The following MDGA2 variants were observed in gnomAD, a reference collection of about 807,000 sequenced individuals.
The protein encoded by MDGA2 is MAM domain-containing glycosylphosphatidylinositol anchor protein 2.
A neutral mutation model predicts 117.8 loss-of-function variants in MDGA2; 40 were observed. The observed-to-expected ratio is 0.34, with a 90% confidence interval of 0.26 to 0.44. The LOEUF (loss-of-function observed/expected upper bound fraction) is 0.44, where lower values mean the gene tolerates loss of function less well. MDGA2 is among the 20% of genes least tolerant of loss of function. MDGA2 has a pLI of 1.00. For missense variants in MDGA2, 1,123 were observed against 1,250.6 expected (o/e 0.90, Z 1.54); for synonymous variants, 452 against 439.0 (o/e 1.03, Z -0.37).
rs1885467086 is a variant in MDGA2 at position 47,200,626 on chromosome 14, C to T, written c.595+17395G>A. The T allele has an allele frequency of 1.4e-5, 17 of 1,223,804 alleles. No homozygotes were observed. In the South Asian group the frequency reaches 2.0e-4, roughly 14 times the overall value. The allele number at this position is 1,223,804 out of a possible 1,614,324, so 75.8% of individuals were successfully genotyped here. A position where few individuals can be genotyped will look rare whatever the true frequency, so the allele number is the denominator to read the frequency against. ...AGACCTCTGTATATTTGTCAATTTT[C>T]TTCTCCACGTTCTTCTCGGCCTGTT... On this transcript the variant is annotated intron_variant, in intron 3 of 16. Transcript: ENST00000399232.
At chr14:47,182,337 C>G (rs914758434) in intron 3 of MDGA2, among the ~76,000 whole-genome samples, 1 of 151,950 alleles carries the variant, frequency 6.6e-6, no homozygotes, top group African/African-American at 2.4e-5. Flanking sequence ...GAAGCCCTAA[C>G]CCCCAATGTG....
At chr14:47,072,623 G>A (rs925156222) in intron 6 of MDGA2, among the ~76,000 whole-genome samples, 1 of 152,178 alleles carries the variant, frequency 6.6e-6, no homozygotes, top group Non-Finnish European at 1.5e-5. Context: ...GAATTTGTTA[G>A]AAAGGCAAGT....
At chr14:47,261,294 A>G (rs1887787857) in intron 2 of MDGA2, among the ~76,000 whole-genome samples, 1 of 152,164 alleles carries the variant, frequency 6.6e-6, no homozygotes, top group Non-Finnish European at 1.5e-5. Flanking sequence ...GCATTTAGCT[A>G]GAATCTTTTA....
At chr14:47,092,094 C>G (rs975416640) in intron 6 of MDGA2, among the ~76,000 whole-genome samples, 2 of 152,088 alleles carry the variant, frequency 1.3e-5, no homozygotes, top group African/African-American at 4.8e-5. Context: ...AAAAGAGGGG[C>G]TACAGTGGAA....
intron 1 of MDGA2, among the ~76,000 whole-genome samples, chr14:47,484,951 G>A (rs759547454): frequency 2.0e-5 from 3 of 151,954 alleles, no homozygotes; most frequent in African/African-American, 7.2e-5. Context: ...CAAATTGCTC[G>A]GCCTCAGGTA....
At chr14:47,156,403 A>C (rs1453470050) in intron 3 of MDGA2, among the ~76,000 whole-genome samples, 3 of 152,170 alleles carry the variant, frequency 2.0e-5, no homozygotes, top group Admixed American at 2.0e-4. Context: ...TCAGTTCACT[A>C]AATTATGGAA....
chr14:47,503,443 G>A (rs1341728891), intron 1 of MDGA2, among the ~76,000 whole-genome samples: 14 of 137,292 alleles, frequency 1.0e-4, no homozygotes. Context: ...TTTTTTTGGA[G>A]ATGGAGTCTC....
intron 1 of MDGA2, among the ~76,000 whole-genome samples, chr14:47,644,841 C>T (rs940932247): frequency 6.6e-6 from 1 of 151,934 alleles, no homozygotes; most frequent in Admixed American, 6.6e-5. Context: ...TATTATATGT[C>T]AATTAAAACT....
At chr14:47,663,973 A>G (rs542348639) in intron 1 of MDGA2, among the ~76,000 whole-genome samples, 128 of 152,286 alleles carry the variant, frequency 8.4e-4, no homozygotes, top group African/African-American at 3.1e-3. Context: ...ACACACTTAT[A>G]GATTTATATA....
chr14:47,169,813 T>A (rs35919625), intron 3 of MDGA2, among the ~76,000 whole-genome samples: 1 of 152,100 alleles, frequency 6.6e-6, no homozygotes, highest in African/African-American at 2.4e-5. Context: ...TCTCAGCTTA[T>A]TAACTAGATA....
At chr14:47,620,545 G>C (rs1342797521) in intron 1 of MDGA2, among the ~76,000 whole-genome samples, 2 of 152,174 alleles carry the variant, frequency 1.3e-5, no homozygotes, top group African/African-American at 4.8e-5. Flanking sequence ...ACTGATGAGA[G>C]GGCAGGATAA....
intron 8 of MDGA2, among the ~76,000 whole-genome samples, chr14:47,018,079 T>C (rs1888146882): frequency 6.6e-6 from 1 of 152,112 alleles, no homozygotes; most frequent in African/African-American, 2.4e-5. Context: ...AAAAGTGTAC[T>C]GTTTTAAAGT....
chr14:47,481,212 G>A (rs1410310782), intron 1 of MDGA2, among the ~76,000 whole-genome samples: 1 of 151,940 alleles, frequency 6.6e-6, no homozygotes, highest in Non-Finnish European at 1.5e-5. Context: ...ATAAGCGTAG[G>A]AGGAAATCTG....
chr14:47,476,945 G>A (rs945613633), intron 1 of MDGA2, among the ~76,000 whole-genome samples: 10 of 151,938 alleles, frequency 6.6e-5, no homozygotes, highest in Admixed American at 2.6e-4. Flanking sequence ...GTGTATCACC[G>A]GAGGTCAGGA....
chr14:47,013,056 C>A (rs1242897004), intron 8 of MDGA2, among the ~76,000 whole-genome samples: 2 of 152,038 alleles, frequency 1.3e-5, no homozygotes, highest in Admixed American at 1.3e-4. Context: ...GGTTGTTAAC[C>A]ACCACCGGCC....
chr14:46,978,584 T>A (rs563987664), intron 8 of MDGA2, among the ~76,000 whole-genome samples: 1 of 152,230 alleles, frequency 6.6e-6, no homozygotes, highest in African/African-American at 2.4e-5. Flanking sequence ...ATGCACTTTT[T>A]AATGTGCCAT....
intron 5 of MDGA2, among the ~76,000 whole-genome samples, chr14:47,129,656 G>C (rs1233056318): frequency 6.6e-6 from 1 of 150,556 alleles, no homozygotes; most frequent in East Asian, 1.9e-4. Flanking sequence ...AGATCCCGGA[G>C]GAATCGCCAC....
intron 2 of MDGA2, among the ~76,000 whole-genome samples, chr14:47,251,473 A>AT (rs1190249539): frequency 4.3e-5 from 6 of 138,294 alleles, no homozygotes; most frequent in East Asian, 3.9e-4. Flanking sequence ...TTAGTACATA[A>AT]TTTTTTTAAA....
chr14:46,934,793 T>C (rs1236578380), intron 9 of MDGA2, among the ~76,000 whole-genome samples: 2 of 152,094 alleles, frequency 1.3e-5, no homozygotes, highest in Non-Finnish European at 2.9e-5. Flanking sequence ...TTTGCTTAAT[T>C]TTATATTAAA....
Sources: gnomAD v4.1 joint callset for allele counts (sites outside exome capture counted in the v4.1 genomes callset) on GRCh38, gnomAD v4.1.1 for gene constraint, MANE v1.5 for transcripts, NCBI Gene and HGNC (gene_info 2026-07-23, HGNC 2026-07-21) for gene names.